SFPQ: variants seen among roughly 807,000 people sequenced by gnomAD.
SFPQ encodes splicing factor proline and glutamine rich.
Under a neutral mutation model 72.9 loss-of-function variants are expected in SFPQ, and 11 were observed. The ratio of observed to expected loss-of-function variants is 0.15; its 90% CI spans 0.09 to 0.25. The LOEUF is 0.25. Ranked by LOEUF, SFPQ falls within the 10% of genes least tolerant of loss-of-function variation. SFPQ has a pLI of 1.00. For missense variants in SFPQ, 847 were observed against 993.3 expected (o/e 0.85, Z 1.98); for synonymous variants, 506 against 367.3 (o/e 1.38, Z -4.32).
At chr1:35,181,492 C>T (rs1384066931), downstream of SFPQ, 8 of 1,063,354 alleles carry the variant, frequency 7.5e-6, no homozygotes, top group East Asian at 4.0e-4. Flanking sequence ...GTTTGTAGTA[C>T]TTCTTATGAG....
Position 35,190,719 on chromosome 1 carries a change from T to C in SFPQ, c.1294A>G (p.Ser432Gly), listed in dbSNP as rs1639956495. 1 of 1,614,130 alleles carries C rather than the reference T, an allele frequency of 6.2e-7. No homozygotes were observed. The highest frequency in any genetic ancestry group is 1.1e-5 in the South Asian group (1 of 91,086). ...PAARKAFERCSEGVFLLTTTP... is the reference protein window; with the variant it reads ...PAARKAFERCGEGVFLLTTTP... Reference sequence around the variant, plus strand: ...GTCGTCAGTAAGAAAACACCTTCACTGCATCGTTCAAATGCCTTTCTTGCT... The same window carrying C: ...GTCGTCAGTAAGAAAACACCTTCACCGCATCGTTCAAATGCCTTTCTTGCT... The change falls in exon 3 of 10, where the codon AGT becomes GGT. Residue 432 changes from serine (S) to glycine (G), a missense_variant. Physicochemically the swap from Ser to Gly is moderately conservative, Grantham distance 56. This residue lies in a region of SFPQ where 132 missense variants were observed against 255.4 expected (regional missense o/e 0.52). Coordinates refer to ENST00000357214, the MANE Select transcript of SFPQ (RefSeq NM_005066.3).
rs1640123837 is a variant in SFPQ at position 35,193,073 on chromosome 1, G to A, written c.-24C>T. 5 of 1,525,270 alleles carry A rather than the reference G, an allele frequency of 3.3e-6. No homozygotes were observed. The highest frequency in any genetic ancestry group is 2.2e-5 in the Admixed American group (1 of 46,230). The allele number at this position is 1,525,270 out of a possible 1,614,324, so 94.5% of individuals were successfully genotyped here. On this transcript the variant is annotated 5_prime_UTR_variant, in exon 1 of 10. Coordinates refer to ENST00000357214, the MANE Select transcript of SFPQ (RefSeq NM_005066.3). The stretch of plus-strand genomic sequence containing the variant: ...ATGTCTGTGGTCAAGGGGCGGTCGA[G>A]GCAAAAGCGAAGAAGACGCTCAGGA...
At chr1:35,187,661 G>A (rs540313437) in intron 7 of SFPQ, among the ~76,000 whole-genome samples, 1 of 151,944 alleles carries the variant, frequency 6.6e-6, no homozygotes, top group Admixed American at 6.6e-5. Flanking sequence ...AACCCAGAAG[G>A]CAGATGCTGC....
downstream of SFPQ, chr1:35,178,650 G>A: frequency 9.5e-7 from 1 of 1,056,134 alleles, no homozygotes; most frequent in Non-Finnish European, 1.1e-6. Flanking sequence ...TTTTTCTGAG[G>A]GAGAAGACAT....
At chr1:35,189,494 C>A (rs1570132969) in intron 4 of SFPQ, 112 bp from the exon 5 acceptor site, 1 of 776,262 alleles carries the variant, frequency 1.3e-6, no homozygotes, top group East Asian at 2.7e-5. Flanking sequence ...GTACAAAAGG[C>A]AAAAATTTTC....
At chr1:35,186,903 CAGTCACCT>C (rs1371214309) in intron 9 of SFPQ, 90 bp downstream of exon 9, 27 of 1,209,570 alleles carry the variant, frequency 2.2e-5, no homozygotes, top group Middle Eastern at 5.1e-4. Flanking sequence ...AAAAGAGGTC[CAGTCACCT>C]ACTTAAAAAA....
Position 35,183,150 on chromosome 1 carries a change from C to T in SFPQ, c.*1306G>A, listed in dbSNP as rs1381584490. ...TTATAGTCCTATAGATTTTGCCCAA[C>T]AGAAGTAGCACAAGGAGATGTAAAA... is the stretch of plus-strand genomic sequence containing the variant. On this transcript the variant is annotated 3_prime_UTR_variant, in exon 10 of 10. Coordinates refer to ENST00000357214, the MANE Select transcript of SFPQ (RefSeq NM_005066.3). 5 of 1,025,290 alleles carry T rather than the reference C, an allele frequency of 4.9e-6. No individual in the cohort carries two copies. Among genetic ancestry groups the T allele is most frequent in the Admixed American group, 1.2e-4 (2 of 17,260 alleles). The allele number at this position is 1,025,290 out of a possible 1,614,324, so 63.5% of individuals were successfully genotyped here.
chr1:35,180,225 C>G, downstream of SFPQ: 1 of 1,051,930 alleles, frequency 9.5e-7, no homozygotes, highest in Non-Finnish European at 1.1e-6. Flanking sequence ...CTCATGCATG[C>G]TAGCTAAAAC....
At chr1:35,182,819 A>C (rs916738312), downstream of SFPQ, 5 of 1,050,178 alleles carry the variant, frequency 4.8e-6, no homozygotes, top group African/African-American at 8.3e-5. Context: ...ACACTGGGAA[A>C]TCAGGCTCCC....
At chr1:35,185,019 A>G (rs1570119200) in intron 9 of SFPQ, among the ~76,000 whole-genome samples, 1 of 152,258 alleles carries the variant, frequency 6.6e-6, no homozygotes, top group African/African-American at 2.4e-5. Context: ...AATTCACTCA[A>G]TGAAGTGACA....
chr1:35,176,815 G>A (rs962592523), intron 5 of SFPQ, among the ~76,000 whole-genome samples: 31 of 150,596 alleles, frequency 2.1e-4, no homozygotes, highest in Non-Finnish European at 2.7e-4. Context: ...CGGAGCTTGC[G>A]GTGAGCCAAG....
chr1:35,192,432 A>C lies in SFPQ; in HGVS notation c.618T>G (p.Gly206=). The C allele has an allele frequency of 7.0e-7, 1 of 1,421,634 alleles. No homozygotes were observed. The highest frequency in any genetic ancestry group is 9.1e-7 in the Non-Finnish European group (1 of 1,096,042). 88.1% of individuals were successfully genotyped at this position (1,421,634 alleles called of 1,614,324 possible). The change falls in exon 1 of 10, where the codon GGT becomes GGG. Residue 206 remains glycine, a synonymous_variant. Coordinates refer to ENST00000357214, the MANE Select transcript of SFPQ (RefSeq NM_005066.3). ...CGCCAGGCATTTTGCCGCCTTTGGG[A>C]CCACCCGGACCTGGGCCCTGCTTAG... is the stretch of plus-strand genomic sequence containing the variant. The part of the protein sequence containing the change: ...PGPKQGPGPG[G]PKGGKMPGGP...
downstream of SFPQ, chr1:35,180,684 A>G: frequency 9.5e-7 from 1 of 1,055,898 alleles, no homozygotes; most frequent in Non-Finnish European, 1.1e-6. Flanking sequence ...TAGAATTACC[A>G]AGATTGCATA....
chr1:35,189,784 A>C (rs1269332502), intron 4 of SFPQ, among the ~76,000 whole-genome samples: 1 of 152,056 alleles, frequency 6.6e-6, no homozygotes, highest in Non-Finnish European at 1.5e-5. Context: ...CCCCGTCTCC[A>C]CTAAATATAC....
At chr1:35,186,005 A>T (rs895403522) in intron 9 of SFPQ, among the ~76,000 whole-genome samples, 2 of 152,192 alleles carry the variant, frequency 1.3e-5, no homozygotes, top group African/African-American at 4.8e-5. Flanking sequence ...TACTCTGAAA[A>T]ATCTAAAGAA....
intron 7 of SFPQ, 122 bp from the exon 8 acceptor site, chr1:35,187,373 A>G (rs112492610): frequency 1.1e-6 from 1 of 932,242 alleles, no homozygotes; most frequent in Admixed American, 2.0e-5. Context: ...TCATCATGTG[A>G]ATTATTTTTG....
At chr1:35,184,719 C>A in intron 9 of SFPQ, 126 bp from the exon 10 acceptor site, 1 of 1,303,878 alleles carries the variant, frequency 7.7e-7, no homozygotes, top group Non-Finnish European at 1.0e-6. Flanking sequence ...TCCACAGGTA[C>A]CGGGAACATA....
rs915512339 is a variant in SFPQ, at chr1:35,187,027, T to C, written c.1960A>G (p.Ser654Gly). ...ANPGVPPATM[S>G]GSMMGSDMRT... ...ATGTCACTTCCCATCATGGAACCAC[T>C]CATGGTTGCTGGTGGAACGCCAGGA... Residue 654 changes from serine (S) to glycine (G), a missense_variant, in exon 9 of 10, where the codon AGT becomes GGT. By Grantham distance (56) the Ser-to-Gly change is moderately conservative. This residue lies in a region of SFPQ where 154 missense variants were observed against 186.0 expected (regional missense o/e 0.83). Transcript: ENST00000357214. 4 of 1,613,872 alleles carry C rather than the reference T, an allele frequency of 2.5e-6. No individual in the cohort carries two copies. The highest frequency in any genetic ancestry group is 1.7e-5 in the Admixed American group (1 of 59,984).
intron 4 of SFPQ, chr1:35,177,852 C>A: frequency 3.9e-6 from 1 of 256,400 alleles, no homozygotes; most frequent in Non-Finnish European, 6.6e-6. Flanking sequence ...CCCTAATTTC[C>A]AAACAAAAAT....
Sources: gnomAD v4.1 joint callset for allele counts (sites outside exome capture counted in the v4.1 genomes callset) on GRCh38, gnomAD v4.1.1 for gene constraint, gnomAD v4.1.1 regional missense constraint, MANE v1.5 for transcripts, NCBI Gene and HGNC (gene_info 2026-07-23, HGNC 2026-07-21) for gene names.